GLB1: variants seen among roughly 807,000 people sequenced by gnomAD.
GLB1 encodes galactosidase beta 1, also known as beta-galactosidase.
In GLB1, 56 loss-of-function variants were observed where a neutral mutation model predicts 74.0. That is an observed-to-expected ratio of 0.76 (90% CI 0.61 to 0.94). The LOEUF is 0.94. Ranked by LOEUF, GLB1 falls within the 40% of genes least tolerant of loss-of-function variation. GLB1 has a pLI of 0.00. For synonymous variants in GLB1, 323 were observed against 323.6 expected (o/e 1.00, Z 0.02); for missense variants, 787 against 845.5 (o/e 0.93, Z 0.86).
At chr3:33,094,373 G>GCGA in intron 1 of GLB1, 1 of 1,371,172 alleles carries the variant, frequency 7.3e-7, no homozygotes, top group Admixed American at 3.2e-5. Context: ...AAACTCAAAG[G>GCGA]CCACTTACAT....
intron 9 of GLB1, among the ~76,000 whole-genome samples, chr3:33,051,010 C>T (rs1186104376): frequency 2.6e-5 from 4 of 151,870 alleles, no homozygotes; most frequent in African/African-American, 7.3e-5. Flanking sequence ...AGGTGGATCA[C>T]GAGGTCAGGA....
chr3:33,086,281 A>G (rs1327517537), intron 1 of GLB1, among the ~76,000 whole-genome samples: 1 of 152,312 alleles, frequency 6.6e-6, no homozygotes, highest in East Asian at 1.9e-4. Context: ...TCAGATCATT[A>G]TGCTATAAAC....
At chr3:33,013,662 G>A (rs950645340) in intron 15 of GLB1, among the ~76,000 whole-genome samples, 8 of 152,158 alleles carry the variant, frequency 5.3e-5, no homozygotes, top group African/African-American at 1.9e-4. Context: ...GGATGCAGGT[G>A]GGGATATTCT....
intron 10 of GLB1, among the ~76,000 whole-genome samples, chr3:33,028,694 T>G (rs1559389601): frequency 6.6e-6 from 1 of 151,680 alleles, no homozygotes; most frequent in Non-Finnish European, 1.5e-5. Flanking sequence ...ATACGGAGTT[T>G]CGCTCTTGTT....
At chr3:32,977,268 G>GCAATCTCGGCT in the GLB1 span, among the ~76,000 whole-genome samples, 1 of 150,338 alleles carries the variant, frequency 6.7e-6, no homozygotes, top group African/African-American at 2.5e-5. Flanking sequence ...GTGCAGTGGC[G>GCAATCTCGGCT]CAATCTCGGC....
At chr3:33,091,581 T>C (rs1575498054) in intron 1 of GLB1, 1 of 985,070 alleles carries the variant, frequency 1.0e-6, no homozygotes, top group Non-Finnish European at 1.2e-6. Flanking sequence ...CTGTGCCATG[T>C]GGAACTCATG....
the GLB1 span, among the ~76,000 whole-genome samples, chr3:32,964,065 T>C: frequency 1.3e-5 from 2 of 152,180 alleles, no homozygotes; most frequent in East Asian, 1.9e-4. Flanking sequence ...ACTGAGTTTA[T>C]GGTATGAGAT....
intron 1 of GLB1, among the ~76,000 whole-genome samples, chr3:33,087,629 A>T (rs1054054870): frequency 1.4e-4 from 19 of 137,152 alleles, no homozygotes; most frequent in South Asian, 9.7e-4. Flanking sequence ...ACACACACAC[A>T]CTCAAAGAAA....
At chr3:32,975,632 A>T in the GLB1 span, among the ~76,000 whole-genome samples, 6 of 152,348 alleles carry the variant, frequency 3.9e-5, no homozygotes, top group East Asian at 9.6e-4. Flanking sequence ...AGAAAGAGCA[A>T]CAAATATTTA....
At chr3:33,028,476 G>A (rs757491949) in intron 10 of GLB1, among the ~76,000 whole-genome samples, 16 of 150,930 alleles carry the variant, frequency 1.1e-4, no homozygotes, top group Admixed American at 4.0e-4. Flanking sequence ...CTTTTTTCTC[G>A]TTTTGTTTTT....
chr3:33,010,130 C>G (rs537450854), intron 15 of GLB1, among the ~76,000 whole-genome samples: 1 of 152,304 alleles, frequency 6.6e-6, no homozygotes, highest in South Asian at 2.1e-4. Context: ...TTGCTGGGTT[C>G]TATGGTAATC....
chr3:32,970,913 C>A, the GLB1 span, among the ~76,000 whole-genome samples: 1 of 152,186 alleles, frequency 6.6e-6, no homozygotes, highest in Admixed American at 6.5e-5. Context: ...ATAGCTCAAA[C>A]CAAATAATCC....
intron 9 of GLB1, among the ~76,000 whole-genome samples, chr3:33,047,975 G>C (rs934400104): frequency 6.6e-6 from 1 of 151,772 alleles, no homozygotes; most frequent in South Asian, 2.1e-4. Flanking sequence ...ACCCACATCC[G>C]TTGCTGCAAG....
chr3:33,018,391 G>A lies in GLB1; in HGVS notation c.1347+57C>T, dbSNP rs560135008. The stretch of plus-strand genomic sequence containing the variant: ...CCCAAATGCTGTGTTAACAAGTGCA[G>A]GCTGCTCATCCCCACCCTCACTGGG... On this transcript the variant is annotated intron_variant, in intron 13 of 15. Transcript: ENST00000307363. 327 of 1,530,206 alleles carry A rather than the reference G, an allele frequency of 2.1e-4. 1 individual carries two copies. Among genetic ancestry groups the A allele is most frequent in the Middle Eastern group, 8.8e-4 (5 of 5,706 alleles). The allele number at this position is 1,530,206 out of a possible 1,614,324, so 94.8% of individuals were successfully genotyped here.
chr3:33,033,472 A>G (rs1698139510), intron 10 of GLB1, among the ~76,000 whole-genome samples: 1 of 152,218 alleles, frequency 6.6e-6, no homozygotes, highest in Non-Finnish European at 1.5e-5. Flanking sequence ...CTGAAGAGGC[A>G]AACATTGTTG....
At chr3:33,089,155 C>A (rs184688669) in intron 1 of GLB1, among the ~76,000 whole-genome samples, 157 of 152,220 alleles carry the variant, frequency 1.0e-3, no homozygotes, top group African/African-American at 3.5e-3. Context: ...AAGACCTAAA[C>A]GTAAGACCCA....
At chr3:33,069,497 A>G (rs1699815171) in intron 2 of GLB1, among the ~76,000 whole-genome samples, 1 of 152,214 alleles carries the variant, frequency 6.6e-6, no homozygotes, top group South Asian at 2.1e-4. Context: ...GGGCCCACTG[A>G]GGCTTCCTTC....
rs564091339 is a variant in GLB1, at chr3:33,064,736, C to T, written c.552+727G>A. On this transcript the variant is annotated intron_variant, in intron 5 of 15. Transcript: ENST00000307363. Reference sequence around the variant, plus strand: ...AGGTTGCAGTAAGCCGAGATTGCCCCACTGCACTCCAGCCTGGGCAACGGA... The same window carrying T: ...AGGTTGCAGTAAGCCGAGATTGCCCTACTGCACTCCAGCCTGGGCAACGGA... Among the ~76,000 whole-genome samples the T allele has an allele frequency of 9.7e-4, 130 of 134,600 alleles. 1 individual carries two copies. Among genetic ancestry groups the T allele is most frequent in the African/African-American group, 3.4e-3 (128 of 37,200 alleles). 88.3% of individuals were successfully genotyped at this position (134,600 alleles called of 152,430 possible).
At chr3:33,070,624 G>A (rs539403039) in intron 2 of GLB1, among the ~76,000 whole-genome samples, 29 of 152,266 alleles carry the variant, frequency 1.9e-4, no homozygotes, top group African/African-American at 7.0e-4. Flanking sequence ...CAGTAGGATC[G>A]CTTGAGTCCA....
Sources: gnomAD v4.1 joint callset for allele counts (sites outside exome capture counted in the v4.1 genomes callset) on GRCh38, gnomAD v4.1.1 for gene constraint, MANE v1.5 for transcripts, NCBI Gene and HGNC (gene_info 2026-07-23, HGNC 2026-07-21) for gene names.